ARMC9: variants seen among roughly 807,000 people sequenced by gnomAD.
ARMC9 encodes the protein lisH domain-containing protein ARMC9.
In ARMC9, 94 loss-of-function variants were observed where a neutral mutation model predicts 107.0. The observed-to-expected ratio is 0.88, with a 90% CI of 0.74 to 1.04. ARMC9 has a LOEUF of 1.04. ARMC9 is among the 50% of genes least tolerant of loss of function. ARMC9 has a pLI of 0.00. For synonymous variants in ARMC9, 380 were observed against 396.9 expected (o/e 0.96, Z 0.51); for missense variants, 942 against 1,030.1 (o/e 0.91, Z 1.17).
intron 12 of ARMC9, among the ~76,000 whole-genome samples, chr2:231,263,923 A>T (rs1461737811): frequency 1.3e-5 from 2 of 152,186 alleles, no homozygotes; most frequent in Non-Finnish European, 2.9e-5. Flanking sequence ...ACATTATTTC[A>T]TTGAGTCGAA....
chr2:231,371,149 AG>A (rs980498525), intron 24 of ARMC9: 54 of 518,308 alleles, frequency 1.0e-4, no homozygotes, highest in Admixed American at 2.0e-4. Flanking sequence ...CCACTGGGGC[AG>A]GGATCCCCAG....
chr2:231,317,223 C>T (rs1325176708), intron 19 of ARMC9, among the ~76,000 whole-genome samples: 2 of 150,850 alleles, frequency 1.3e-5, no homozygotes, highest in Non-Finnish European at 3.0e-5. Context: ...CAGGCTGGAG[C>T]TCAATGGCGC....
rs1232083586 is a variant in ARMC9, at chr2:231,358,609, C to T, written c.2132-2145C>T. ...GAGTCTGGCCTGTGCTGGGAACTAA[C>T]GCCCCACCCAGAGACCCCGTGGAAA... On this transcript the variant is annotated intron_variant, in intron 22 of 24. Transcript: ENST00000611582. This position sits in a 1 kb window ranked among gnomAD's most constrained non-coding sequence, Gnocchi z 4.5. Among the ~76,000 whole-genome samples the T allele has an allele frequency of 1.3e-5, 2 of 152,140 alleles. No homozygotes were observed. The highest frequency in any genetic ancestry group is 2.1e-4 in the South Asian group (1 of 4,830).
At chr2:231,334,663 T>G (rs915923335) in intron 20 of ARMC9, among the ~76,000 whole-genome samples, 7 of 152,154 alleles carry the variant, frequency 4.6e-5, no homozygotes, top group African/African-American at 1.7e-4. Context: ...AAATTTAACG[T>G]GGAGCAGTAA....
At chr2:231,305,619 A>G (rs530513560) in intron 19 of ARMC9, among the ~76,000 whole-genome samples, 2 of 152,360 alleles carry the variant, frequency 1.3e-5, no homozygotes, top group East Asian at 3.9e-4. Context: ...TCCAGCAGGC[A>G]TTCAGCAGTG....
intron 17 of ARMC9, among the ~76,000 whole-genome samples, chr2:231,289,667 C>T (rs1043377152): frequency 2.0e-5 from 3 of 152,084 alleles, no homozygotes; most frequent in Non-Finnish European, 2.9e-5. Flanking sequence ...CTCTCTGGTA[C>T]GACAAGCCTG....
intron 7 of ARMC9, among the ~76,000 whole-genome samples, chr2:231,232,373 T>A (rs535717049): frequency 1.3e-3 from 198 of 151,876 alleles, no homozygotes; most frequent in African/African-American, 4.3e-3. Flanking sequence ...CTTTCCCTAA[T>A]GTTTAAGGAG....
chr2:231,241,422 G>A (rs1288338983), intron 9 of ARMC9, among the ~76,000 whole-genome samples: 1 of 151,920 alleles, frequency 6.6e-6, no homozygotes, highest in Admixed American at 6.6e-5. Flanking sequence ...AGGAACCCAC[G>A]GGCCAGGAGC....
chr2:231,316,990 G>T (rs888146105), intron 19 of ARMC9, among the ~76,000 whole-genome samples: 1 of 151,908 alleles, frequency 6.6e-6, no homozygotes, highest in Non-Finnish European at 1.5e-5. Context: ...CTCAAACTGC[G>T]CCCAGCCCCA....
chr2:231,348,971 T>A (rs2044925926), intron 21 of ARMC9, among the ~76,000 whole-genome samples: 1 of 152,198 alleles, frequency 6.6e-6, no homozygotes, highest in Admixed American at 6.5e-5. Flanking sequence ...GGAACCCTCA[T>A]ACACTGTTGG....
chr2:231,376,468 T>C lies in ARMC9; in HGVS notation c.*4933T>C, dbSNP rs905247625. On this transcript the variant is annotated 3_prime_UTR_variant, in exon 25 of 25. Coordinates refer to ENST00000611582, the MANE Select transcript of ARMC9 (RefSeq NM_001352754.2). ...TCTCTTATGGTCGAGGCTGCAGAGATGAAATAAACTCCAGTCTCCCATAGC... is the reference window on the plus strand; with the variant it reads ...TCTCTTATGGTCGAGGCTGCAGAGACGAAATAAACTCCAGTCTCCCATAGC... Among the ~76,000 whole-genome samples, 6 of 152,018 alleles carry C rather than the reference T, an allele frequency of 3.9e-5. No homozygotes were observed. The highest frequency in any genetic ancestry group is 1.5e-4 in the African/African-American group (6 of 41,370).
chr2:231,315,181 G>C (rs1405649175), intron 19 of ARMC9, among the ~76,000 whole-genome samples: 1 of 149,346 alleles, frequency 6.7e-6, no homozygotes, highest in East Asian at 2.0e-4. Context: ...AGAAGTTGCA[G>C]TAAGCCAAGA....
intron 7 of ARMC9, among the ~76,000 whole-genome samples, chr2:231,233,787 A>C (rs1207003937): frequency 2.6e-5 from 4 of 152,182 alleles, no homozygotes; most frequent in Non-Finnish European, 5.9e-5. Flanking sequence ...AAAAAAAAAA[A>C]AAGTTATCCA....
chr2:231,267,440 AG>A (rs949667555), intron 12 of ARMC9, among the ~76,000 whole-genome samples: 2 of 152,150 alleles, frequency 1.3e-5, no homozygotes, highest in African/African-American at 2.4e-5. Context: ...CATGTTGGCC[AG>A]GCTGGTCTCA....
chr2:231,218,561 G>A (rs2125327101), intron 5 of ARMC9, among the ~76,000 whole-genome samples: 1 of 152,252 alleles, frequency 6.6e-6, no homozygotes, highest in Non-Finnish European at 1.5e-5. Flanking sequence ...AGCAGAGGCT[G>A]CAGCTGGCAG....
At chr2:231,232,188 G>A (rs2035296272) in intron 7 of ARMC9, among the ~76,000 whole-genome samples, 1 of 151,610 alleles carries the variant, frequency 6.6e-6, no homozygotes, top group African/African-American at 2.4e-5. Context: ...ACCACGCCCG[G>A]CTAATTTTTG....
chr2:231,275,436 C>T (rs1020935657), intron 14 of ARMC9, among the ~76,000 whole-genome samples: 3 of 152,188 alleles, frequency 2.0e-5, no homozygotes, highest in Middle Eastern at 3.2e-3. Context: ...TGACATTCAC[C>T]ATCACACATT....
chr2:231,284,348 A>G (rs1293505233), intron 17 of ARMC9, among the ~76,000 whole-genome samples: 1 of 152,226 alleles, frequency 6.6e-6, no homozygotes, highest in Non-Finnish European at 1.5e-5. Context: ...CATTTCTCAG[A>G]ACATATCCCT....
rs767321498 is a variant in ARMC9 at position 231,359,082 on chromosome 2, G to GTTCTTTTTTTTTT, written c.2132-1670_2132-1669insCTTTTTTTTTTTT. Among the ~76,000 whole-genome samples, 132 of 117,794 alleles carry GTTCTTTTTTTTTT rather than the reference G, an allele frequency of 1.1e-3. 8 individuals are homozygous for GTTCTTTTTTTTTT. The highest frequency in any genetic ancestry group is 3.6e-3 in the African/African-American group (102 of 28,282). The allele number at this position is 117,794 out of a possible 152,430, so 77.3% of individuals were successfully genotyped here. A position where few individuals can be genotyped will look rare whatever the true frequency, so the allele number is the denominator to read the frequency against. ...GCTGTCTTAGTTAGGGGGGTCTCCT[G>GTTCTTTTTTTTTT]TTTTTTTTTTTTTTTTTTTTTGAGA... On this transcript the variant is annotated intron_variant, in intron 22 of 24. Coordinates refer to ENST00000611582, the MANE Select transcript of ARMC9 (RefSeq NM_001352754.2).
Sources: allele counts gnomAD v4.1 joint callset (sites outside exome capture counted in the v4.1 genomes callset), GRCh38; gene constraint gnomAD v4.1.1; non-coding constraint Gnocchi (gnomAD v3.1); transcripts MANE v1.5; gene names NCBI Gene and HGNC (gene_info 2026-07-23, HGNC 2026-07-21).